The following SUFU variants were observed in gnomAD, a reference collection of about 807,000 sequenced individuals.
SUFU encodes the protein SUFU negative regulator of hedgehog signaling.
Under a neutral mutation model 58.9 loss-of-function variants are expected in SUFU, and 7 were observed. That is an observed-to-expected ratio of 0.12 (90% CI 0.07 to 0.22). The LOEUF (loss-of-function observed/expected upper bound fraction) is 0.22. SUFU is among the 10% of genes least tolerant of loss of function. SUFU has a pLI of 1.00. For missense variants in SUFU, 451 were observed against 641.3 expected, an observed-to-expected ratio of 0.70 and a Z score of 3.20; for synonymous variants, 232 against 254.8, an observed-to-expected ratio of 0.91 and a Z score of 0.85.
chr10:102,525,137 GTC>G (rs1201232900), intron 2 of SUFU, among the ~76,000 whole-genome samples: 1 of 152,116 alleles, frequency 6.6e-6, no homozygotes, highest in Non-Finnish European at 1.5e-5. Flanking sequence ...TTGAGACGGA[GTC>G]TCTCTCTGTC....
intron 3 of SUFU, among the ~76,000 whole-genome samples, chr10:102,590,460 A>G (rs1300132863): frequency 6.6e-6 from 1 of 151,878 alleles, no homozygotes; most frequent in Non-Finnish European, 1.5e-5. Context: ...CCACCACGCC[A>G]GGCCTGTATA....
intron 3 of SUFU, among the ~76,000 whole-genome samples, chr10:102,570,563 GT>G (rs2063150089): frequency 6.6e-6 from 1 of 150,718 alleles, no homozygotes; most frequent in Admixed American, 6.6e-5. Flanking sequence ...TTTCTAATCG[GT>G]ATTTTTGTGA....
intron 3 of SUFU, among the ~76,000 whole-genome samples, chr10:102,579,550 G>T (rs911914073): frequency 6.6e-6 from 1 of 152,198 alleles, no homozygotes; most frequent in African/African-American, 2.4e-5. Context: ...AAGAGCGGGC[G>T]GTTCTGGAGA....
intron 2 of SUFU, among the ~76,000 whole-genome samples, chr10:102,537,087 A>G (rs1278637053): frequency 6.6e-6 from 1 of 151,044 alleles, no homozygotes; most frequent in East Asian, 1.9e-4. Flanking sequence ...CTGGGATTAC[A>G]GGCATGAGCC....
chr10:102,549,612 G>C (rs892734822), intron 2 of SUFU, among the ~76,000 whole-genome samples: 4 of 152,194 alleles, frequency 2.6e-5, no homozygotes, highest in Non-Finnish European at 4.4e-5. Context: ...TTAATAGCTT[G>C]AAGGAATAAG....
At chr10:102,561,337 A>G (rs1050212747) in intron 3 of SUFU, among the ~76,000 whole-genome samples, 1 of 152,194 alleles carries the variant, frequency 6.6e-6, no homozygotes, top group Admixed American at 6.5e-5. Context: ...TCAACAAACA[A>G]TAGAAGGATC....
At chr10:102,572,820 T>C in intron 3 of SUFU, 2 of 838,574 alleles carry the variant, frequency 2.4e-6, no homozygotes, top group Admixed American at 1.7e-5. Context: ...GTCCAACATA[T>C]GCCTTCTTCT....
intron 3 of SUFU, among the ~76,000 whole-genome samples, chr10:102,574,444 G>A (rs1339815686): frequency 6.6e-6 from 1 of 152,176 alleles, no homozygotes; most frequent in Admixed American, 6.5e-5. Flanking sequence ...TTCAGCATAA[G>A]ATTAGAAAGA....
intron 2 of SUFU, among the ~76,000 whole-genome samples, chr10:102,516,628 A>G (rs948702057): frequency 2.0e-5 from 3 of 151,418 alleles, no homozygotes; most frequent in Non-Finnish European, 4.4e-5. Flanking sequence ...GCTCACTGCA[A>G]CCTCCACCTC....
At chr10:102,560,140 C>G (rs1482959788) in intron 3 of SUFU, among the ~76,000 whole-genome samples, 7 of 152,140 alleles carry the variant, frequency 4.6e-5, no homozygotes, top group Admixed American at 1.3e-4. Flanking sequence ...AATACTTGCT[C>G]ATTATAAAAT....
rs202247756 is a variant in SUFU, at chr10:102,550,019, C to T, written c.367C>T (p.Arg123Cys). ...PSGFGFELTF[R>C]LKRETGESAP... Reference sequence around the variant, plus strand: ...TGGTTTTGGCTTTGAGTTGACCTTTCGTCTGAAGAGAGAAACTGGGGAGTC... The same window carrying T: ...TGGTTTTGGCTTTGAGTTGACCTTTTGTCTGAAGAGAGAAACTGGGGAGTC... Residue 123 changes from arginine (R) to cysteine (C), a missense_variant, in exon 3 of 12, where the codon CGT becomes TGT. Arg to Cys is a radical substitution (Grantham distance 180). Coordinates refer to ENST00000369902, the MANE Select transcript of SUFU (RefSeq NM_016169.4). The T allele has an allele frequency of 6.2e-7, 1 of 1,614,176 alleles. No homozygotes were observed. The highest frequency in any genetic ancestry group is 8.5e-7 in the Non-Finnish European group (1 of 1,180,020).
chr10:102,543,968 A>G (rs2062828560), intron 2 of SUFU, among the ~76,000 whole-genome samples: 1 of 152,232 alleles, frequency 6.6e-6, no homozygotes. Context: ...TTAATTAGGC[A>G]CACACTTGTA....
At chr10:102,536,802 T>C (rs1283109448) in intron 2 of SUFU, among the ~76,000 whole-genome samples, 1 of 152,144 alleles carries the variant, frequency 6.6e-6, no homozygotes, top group African/African-American at 2.4e-5. Flanking sequence ...ACATAACTTA[T>C]CTTTTTCTTA....
intron 4 of SUFU, 136 bp downstream of exon 4, chr10:102,592,860 G>T: frequency 2.0e-6 from 2 of 1,005,858 alleles, no homozygotes; most frequent in Middle Eastern, 2.9e-4. Flanking sequence ...TCCTCTGATG[G>T]TTTGTCAGGT....
At chr10:102,621,633 C>T (rs150077639) in intron 10 of SUFU, among the ~76,000 whole-genome samples, 110 of 152,330 alleles carry the variant, frequency 7.2e-4, no homozygotes, top group Admixed American at 1.2e-3. Context: ...CCCGTCCCTG[C>T]CTCCTCCACT....
In SUFU at chr10:102,617,423, T is replaced by C. The variant is rs141950577; in HGVS notation, c.1291T>C (p.Leu431=). Reference sequence around the variant, plus strand: ...TCCTTACGCGGCTCATGGACCCTGGTTACAAGTGAGAAGGCCCTTTTTCTT... The same window carrying C: ...TCCTTACGCGGCTCATGGACCCTGGCTACAAGTGAGAAGGCCCTTTTTCTT... The part of the protein sequence containing the change: ...EHPYAAHGPW[L]QILLTEEFVE... Residue 431 remains leucine (L), a synonymous_variant, in exon 10 of 12, where the codon TTA becomes CTA. Coordinates refer to ENST00000369902, the MANE Select transcript of SUFU (RefSeq NM_016169.4). The surrounding 1 kb of genome is among the most constrained non-coding windows in gnomAD (Gnocchi z 4.4). The C allele has an allele frequency of 8.3e-4, 1,333 of 1,614,242 alleles. 8 individuals are homozygous for C. The African/African-American group carries it at 0.015, about 19-fold the overall frequency.
chr10:102,539,688 T>C (rs753438748), intron 2 of SUFU, among the ~76,000 whole-genome samples: 3 of 152,246 alleles, frequency 2.0e-5, no homozygotes, highest in Non-Finnish European at 4.4e-5. Flanking sequence ...GAGATTTTAC[T>C]GTAAGGAAGA....
upstream of SUFU, chr10:102,503,937 C>T: frequency 1.7e-6 from 1 of 586,230 alleles, no homozygotes; most frequent in Non-Finnish European, 2.8e-6. Context: ...GCCCCGCCCC[C>T]CTTAGCGCCC....
At chr10:102,587,129 C>T (rs1476689871) in intron 3 of SUFU, among the ~76,000 whole-genome samples, 1 of 152,142 alleles carries the variant, frequency 6.6e-6, no homozygotes, top group Non-Finnish European at 1.5e-5. Context: ...TTGTTTCCAC[C>T]TTCTGGCAAT....
Sources: allele counts gnomAD v4.1 joint callset (sites outside exome capture counted in the v4.1 genomes callset), GRCh38; gene constraint gnomAD v4.1.1; non-coding constraint Gnocchi (gnomAD v3.1); transcripts MANE v1.5; gene names NCBI Gene and HGNC (gene_info 2026-07-23, HGNC 2026-07-21).